Variants in PDK4 observed in about 807,000 individuals in gnomAD.
The protein encoded by PDK4 is pyruvate dehydrogenase kinase, isozyme 4.
A neutral mutation model predicts 51.7 loss-of-function variants in PDK4; 43 were observed. That is an observed-to-expected ratio of 0.83 (90% CI 0.65 to 1.07). PDK4 has a LOEUF of 1.07. Ranked by LOEUF, PDK4 falls within the 50% of genes least tolerant of loss-of-function variation. The probability of loss-of-function intolerance (pLI) is 0.00; values close to 1 mark genes in which losing one functional copy is unlikely to be tolerated. For missense variants in PDK4, 498 were observed against 503.5 expected, an observed-to-expected ratio of 0.99 and a Z score of 0.10; for synonymous variants, 170 against 176.6, an observed-to-expected ratio of 0.96 and a Z score of 0.30.
intron 6 of PDK4, among the ~76,000 whole-genome samples, chr7:95,591,091 C>G (rs1791547277): frequency 6.6e-6 from 1 of 152,120 alleles, no homozygotes. Flanking sequence ...GTGTGTGCCA[C>G]CATGCCTGGC....
At chr7:95,595,999 A>G (rs540717857) in intron 1 of PDK4, among the ~76,000 whole-genome samples, 165 bp downstream of exon 1, 1 of 152,300 alleles carries the variant, frequency 6.6e-6, no homozygotes, top group South Asian at 2.1e-4. Context: ...GAAAGTAACC[A>G]AATCTAGGAA....
At chr7:95,595,293 T>A (rs1020260665) in intron 1 of PDK4, 129 bp from the exon 2 acceptor site, 1 of 566,920 alleles carries the variant, frequency 1.8e-6, no homozygotes, top group East Asian at 3.0e-5. Context: ...GTTGGGTTAC[T>A]GTTAATCGAT....
At chr7:95,591,246 T>C (rs886101405) in intron 6 of PDK4, among the ~76,000 whole-genome samples, 3 of 152,174 alleles carry the variant, frequency 2.0e-5, no homozygotes, top group African/African-American at 7.2e-5. Context: ...GAGCTGAAGA[T>C]TTTTGAAGTA....
chr7:95,589,448 G>C (rs1215027036), intron 7 of PDK4, among the ~76,000 whole-genome samples, 192 bp downstream of exon 7: 1 of 152,198 alleles, frequency 6.6e-6, no homozygotes, highest in Non-Finnish European at 1.5e-5. Flanking sequence ...TCAAATATGT[G>C]TTGATGCTAC....
Position 95,587,040 on chromosome 7 carries a change from T to G in PDK4, c.1065A>C (p.Gly355=). The stretch of plus-strand genomic sequence containing the variant: ...AGTAGATGATAGCATCTGTTCCATA[T>G]CCTGATAAAGAGTAGAGATTCAGAT... ...QGDLNLYSLS[G]YGTDAIIYLK... Residue 355 remains glycine (G), a synonymous_variant, in exon 10 of 11, where the codon GGA becomes GGC. Transcript: ENST00000005178. 6.2e-7 allele frequency: 1 copy of G among 1,602,884 alleles called. No individual in the cohort carries two copies. The highest frequency in any genetic ancestry group is 1.7e-5 in the Admixed American group (1 of 60,002).
Position 95,592,040 on chromosome 7 carries a change from G to A in PDK4, c.642C>T (p.Leu214=), listed in dbSNP as rs979749719. ...VQDAFECSRM[L]CDQYYLSSPE... ...GAGATGATAAATAATACTGATCACA[G>A]AGCATCCTTGAACACTCAAAGGCAT... is the stretch of plus-strand genomic sequence containing the variant. Residue 214 remains leucine (L), a synonymous_variant, in exon 6 of 11, where the codon CTC becomes CTT. Transcript: ENST00000005178. 6.3e-7 allele frequency: 1 copy of A among 1,586,120 alleles called. No homozygotes were observed. The highest frequency in any genetic ancestry group is 1.4e-5 in the African/African-American group (1 of 73,536).
chr7:95,588,630 C>T (rs118047277), intron 7 of PDK4, among the ~76,000 whole-genome samples: 52 of 152,266 alleles, frequency 3.4e-4, no homozygotes, highest in Non-Finnish European at 6.6e-4. Context: ...ACAGCAGTAA[C>T]ATTAGAATAA....
At chr7:95,592,694 T>C (rs1791566114) in intron 4 of PDK4, 66 bp downstream of exon 4, 1 of 1,381,102 alleles carries the variant, frequency 7.2e-7, no homozygotes, top group Non-Finnish European at 1.0e-6. Context: ...GTGAGACATC[T>C]AGTTATAGTA....
chr7:95,593,078 C>T, intron 3 of PDK4, 134 bp from the exon 4 acceptor site: 2 of 509,214 alleles, frequency 3.9e-6, no homozygotes, highest in Admixed American at 3.6e-5. Context: ...AAACATTAGT[C>T]CTTTATTAGT....
At chr7:95,595,205 G>T (rs762993344) in intron 1 of PDK4, 41 bp from the exon 2 acceptor site, 4 of 1,421,298 alleles carry the variant, frequency 2.8e-6, no homozygotes, top group East Asian at 2.3e-5. Context: ...GAAAAAGTGT[G>T]TCTAAATGAT....
In PDK4 at chr7:95,584,304, C is replaced by T. The variant is rs1047283318; in HGVS notation, c.*1337G>A. 1.4e-5 allele frequency: 2 copies of T among 146,460 alleles called. No homozygotes were observed. The highest frequency in any genetic ancestry group is 5.5e-5 in the African/African-American group (2 of 36,072). The allele number at this position is 146,460 out of a possible 1,614,324, so 9.1% of individuals were successfully genotyped here. A position where few individuals can be genotyped will look rare whatever the true frequency, so the allele number is the denominator to read the frequency against. ...GTGGGGAAAATAGAAAAATGCCTGC[C>T]TTCTGCTTCCCTCTCTTCCTATATC... On this transcript the variant is annotated 3_prime_UTR_variant, in exon 11 of 11. Transcript: ENST00000005178.
At chr7:95,588,726 G>C (rs1311318687) in intron 7 of PDK4, among the ~76,000 whole-genome samples, 1 of 152,120 alleles carries the variant, frequency 6.6e-6, no homozygotes, top group African/African-American at 2.4e-5. Flanking sequence ...TCCAATTCAG[G>C]GGACTCTTGG....
Position 95,583,509 on chromosome 7 carries a change from A to C in PDK4, c.*2132T>G, listed in dbSNP as rs1791440410. On this transcript the variant is annotated 3_prime_UTR_variant, in exon 11 of 11. Transcript: ENST00000005178. The stretch of plus-strand genomic sequence containing the variant: ...TTAAAACACAATGTCTTTTATCATC[A>C]TAAAAAATATTTATTATAAAAAATT... The C allele has an allele frequency of 6.6e-6, 1 of 152,230 alleles. No individual in the cohort carries two copies. The highest frequency in any genetic ancestry group is 2.4e-5 in the African/African-American group (1 of 41,468). The allele number at this position is 152,230 out of a possible 1,614,324, so 9.4% of individuals were successfully genotyped here.
chr7:95,587,374 GA>G (rs1791497724), intron 9 of PDK4, 43 bp downstream of exon 9: 1 of 1,145,786 alleles, frequency 8.7e-7, no homozygotes, highest in African/African-American at 1.5e-5. Context: ...TCTACATTTA[GA>G]ACTAGGTGGC....
At chr7:95,591,305 G>A (rs1371620119) in intron 6 of PDK4, among the ~76,000 whole-genome samples, 1 of 151,948 alleles carries the variant, frequency 6.6e-6, no homozygotes, top group East Asian at 1.9e-4. Context: ...AATTTTTTTT[G>A]TATTGGGGTG....
At position 95,596,371 on chromosome 7, in the gene PDK4, A is replaced by T; in HGVS notation, c.-78T>A. 1 of 1,441,712 alleles carries T rather than the reference A, an allele frequency of 6.9e-7. No homozygotes were observed. Among genetic ancestry groups the T allele is most frequent in the Non-Finnish European group, 9.1e-7 (1 of 1,098,828 alleles). 89.3% of individuals were successfully genotyped at this position (1,441,712 alleles called of 1,614,324 possible). A position where few individuals can be genotyped will look rare whatever the true frequency, so the allele number is the denominator to read the frequency against. On this transcript the variant is annotated 5_prime_UTR_variant, in exon 1 of 11. Coordinates refer to ENST00000005178, the MANE Select transcript of PDK4 (RefSeq NM_002612.4). ...CTGCTCGGAGCAGAGCCTGGTTCCG[A>T]GGGGGCGCGGCGCGTCCGGGCGAGG...
Position 95,587,486 on chromosome 7 carries a change from G to T in PDK4, c.913C>A (p.Arg305Ser), listed in dbSNP as rs750098716. ...GTGGAGTATGTATAACTAAAGAGGC[G>T]GTCAATAATTCTCAGGGGAACACCA... ...GGGVPLRIID[R>S]LFSYTYSTAP... Residue 305 changes from arginine (R) to serine (S), a missense_variant, in exon 9 of 11, where the codon CGC becomes AGC. By Grantham distance (110) the Arg-to-Ser change is moderately radical. Coordinates refer to ENST00000005178, the MANE Select transcript of PDK4 (RefSeq NM_002612.4). 1.9e-6 allele frequency: 3 copies of T among 1,610,776 alleles called. No individual in the cohort carries two copies. The African/African-American group carries it at 4.0e-5, about 21-fold the overall frequency.
chr7:95,589,563 G>A (rs1039082016), intron 7 of PDK4, 77 bp downstream of exon 7: 16 of 734,314 alleles, frequency 2.2e-5, no homozygotes, highest in African/African-American at 1.6e-4. Flanking sequence ...GTTTTGTGGC[G>A]AATAATAAAG....
intron 2 of PDK4, among the ~76,000 whole-genome samples, chr7:95,594,265 C>T (rs1264412223): frequency 6.6e-6 from 1 of 152,080 alleles, no homozygotes; most frequent in East Asian, 1.9e-4. Flanking sequence ...AGATAAGGGT[C>T]TCATGCATGT....
Sources: gnomAD v4.1 joint callset for allele counts (sites outside exome capture counted in the v4.1 genomes callset) on GRCh38, gnomAD v4.1.1 for gene constraint, MANE v1.5 for transcripts, NCBI Gene and HGNC (gene_info 2026-07-23, HGNC 2026-07-21) for gene names.